SGMS1: variants seen among roughly 807,000 people sequenced by gnomAD.
SGMS1 encodes the protein phosphatidylcholine:ceramide cholinephosphotransferase 1.
SGMS1 carries 13 observed loss-of-function variants against 46.2 expected under a neutral mutation model. The ratio of observed to expected loss-of-function variants is 0.28; its 90% CI spans 0.18 to 0.45. The LOEUF (loss-of-function observed/expected upper bound fraction) is 0.45, where lower values mean the gene tolerates loss of function less well. Ranked by LOEUF, SGMS1 falls within the 20% of genes least tolerant of loss-of-function variation. The pLI, the probability that SGMS1 is intolerant of heterozygous loss-of-function variation, is 1.00. For synonymous variants in SGMS1, 203 were observed against 187.8 expected (o/e 1.08, Z -0.66); for missense variants, 324 against 519.9 (o/e 0.62, Z 3.66).
intron 1 of SGMS1, among the ~76,000 whole-genome samples, chr10:50,609,731 C>T (rs1838730868): frequency 2.0e-5 from 3 of 151,992 alleles, no homozygotes; most frequent in African/African-American, 7.3e-5. Flanking sequence ...GAATAATGAC[C>T]TTGATTATTT....
chr10:50,342,851 T>C (rs896256113), intron 7 of SGMS1: 1 of 152,148 alleles, frequency 6.6e-6, no homozygotes, highest in Non-Finnish European at 1.5e-5. Context: ...TGGAACTAAG[T>C]GGGAGTTGCC....
At chr10:50,578,235 C>A (rs1838402050) in intron 2 of SGMS1, among the ~76,000 whole-genome samples, 1 of 152,146 alleles carries the variant, frequency 6.6e-6, no homozygotes, top group South Asian at 2.1e-4. Flanking sequence ...GGATCAAAAC[C>A]ACAAATACAG....
At chr10:50,609,900 A>G (rs189308344) in intron 1 of SGMS1, among the ~76,000 whole-genome samples, 95 of 152,236 alleles carry the variant, frequency 6.2e-4, no homozygotes, top group African/African-American at 2.1e-3. Flanking sequence ...AAGCAGAGCA[A>G]TCTCCTAAAA....
At chr10:50,352,519 T>C (rs531218488) in intron 6 of SGMS1, among the ~76,000 whole-genome samples, 11 of 152,278 alleles carry the variant, frequency 7.2e-5, no homozygotes, top group Non-Finnish European at 1.0e-4. Flanking sequence ...TATCCCAAAA[T>C]AACACAAAAT....
At chr10:50,415,929 G>C (rs956739106) in intron 6 of SGMS1, among the ~76,000 whole-genome samples, 10 of 152,164 alleles carry the variant, frequency 6.6e-5, no homozygotes, top group African/African-American at 2.4e-4. Flanking sequence ...TGACACGCAA[G>C]AGGAAAATGC....
chr10:50,374,138 T>A (rs1848486276), intron 6 of SGMS1, among the ~76,000 whole-genome samples: 1 of 152,190 alleles, frequency 6.6e-6, no homozygotes, highest in Non-Finnish European at 1.5e-5. Flanking sequence ...TATTAATATA[T>A]ATTTACAAAA....
intron 8 of SGMS1, 72 bp downstream of exon 8, chr10:50,327,133 A>T: frequency 3.5e-6 from 3 of 857,128 alleles, no homozygotes; most frequent in Non-Finnish European, 5.8e-6. Flanking sequence ...TTTTCCTGCA[A>T]CCTCACTCAA....
intron 2 of SGMS1, among the ~76,000 whole-genome samples, chr10:50,563,242 A>AGGTGGGAAGGAC (rs1838257307): frequency 6.6e-6 from 1 of 152,184 alleles, no homozygotes; most frequent in Admixed American, 6.5e-5. Context: ...TTCTATAGAC[A>AGGTGGGAAGGAC]GGTGGGAAGG....
At chr10:50,370,302 T>A (rs570376449) in intron 6 of SGMS1, among the ~76,000 whole-genome samples, 14 of 152,254 alleles carry the variant, frequency 9.2e-5, no homozygotes, top group Non-Finnish European at 1.9e-4. Flanking sequence ...TTAAAATGTT[T>A]TGACTCCTTT....
chr10:50,380,515 C>T (rs1288711276), intron 6 of SGMS1, among the ~76,000 whole-genome samples: 3 of 152,054 alleles, frequency 2.0e-5, no homozygotes, highest in South Asian at 2.1e-4. Flanking sequence ...TAGAAAGAGA[C>T]GTGGGCTTTC....
intron 3 of SGMS1, among the ~76,000 whole-genome samples, chr10:50,511,507 GA>G (rs1487401782): frequency 6.6e-6 from 1 of 152,148 alleles, no homozygotes; most frequent in African/African-American, 2.4e-5. Flanking sequence ...CAGGGCTTAA[GA>G]AATTCACTGA....
intron 6 of SGMS1, among the ~76,000 whole-genome samples, chr10:50,420,821 G>A (rs1282479915): frequency 1.3e-5 from 2 of 152,128 alleles, no homozygotes; most frequent in Non-Finnish European, 2.9e-5. Context: ...GATACTTTGA[G>A]ATCTATGATG....
At chr10:50,606,060 T>G (rs1838691736) in intron 1 of SGMS1, among the ~76,000 whole-genome samples, 1 of 152,202 alleles carries the variant, frequency 6.6e-6, no homozygotes, top group Non-Finnish European at 1.5e-5. Context: ...ACAGCAGCAC[T>G]AACCACAACA....
intron 3 of SGMS1, among the ~76,000 whole-genome samples, chr10:50,502,971 TATGAA>T (rs1431035628): frequency 6.6e-6 from 1 of 152,208 alleles, no homozygotes; most frequent in Non-Finnish European, 1.5e-5. Context: ...TAAAATATCA[TATGAA>T]ACCATGACCG....
intron 6 of SGMS1, among the ~76,000 whole-genome samples, chr10:50,410,016 G>A (rs555187399): frequency 2.6e-5 from 4 of 152,194 alleles, no homozygotes; most frequent in Admixed American, 2.6e-4. Context: ...TAGTTGTTTA[G>A]TAATCTGTGC....
rs567061288 is a variant in SGMS1 at position 50,373,902 on chromosome 10, C to T, written c.-231-29557G>A. Among the ~76,000 whole-genome samples the T allele has an allele frequency of 5.9e-5, 9 of 152,306 alleles. No individual in the cohort carries two copies. The South Asian group carries it at 1.9e-3, about 32-fold the overall frequency. On this transcript the variant is annotated intron_variant, in intron 6 of 10. Transcript: ENST00000361781. ...CTACTCCTATGGTAGAGGAGTCAAA[C>T]TATCCACATAATATTAAGAAGCTAA...
At chr10:50,340,257 C>T (rs544239852) in intron 7 of SGMS1, 4 of 152,340 alleles carry the variant, frequency 2.6e-5, no homozygotes, top group African/African-American at 7.2e-5. Flanking sequence ...CTGAGCCACA[C>T]GTATCACACA....
chr10:50,568,498 A>G, intron 2 of SGMS1, among the ~76,000 whole-genome samples: 1 of 152,138 alleles, frequency 6.6e-6, no homozygotes. Context: ...ATTCCCATCC[A>G]ATTCATCAGT....
intron 6 of SGMS1, among the ~76,000 whole-genome samples, chr10:50,392,050 A>T (rs892270576): frequency 4.6e-5 from 7 of 152,036 alleles, no homozygotes; most frequent in Non-Finnish European, 1.0e-4. Context: ...GGGTGGGAGG[A>T]AGGTCAGGCT....
Sources: allele counts gnomAD v4.1 joint callset (sites outside exome capture counted in the v4.1 genomes callset), GRCh38; gene constraint gnomAD v4.1.1; transcripts MANE v1.5; gene names NCBI Gene and HGNC (gene_info 2026-07-23, HGNC 2026-07-21).